The following ERG variants were observed in gnomAD, a reference collection of about 807,000 sequenced individuals.
The protein encoded by ERG is ETS transcription factor ERG, also known as transcriptional regulator ERG.
ERG carries 9 observed loss-of-function variants against 55.3 expected under a neutral mutation model. That is an observed-to-expected ratio of 0.16 (90% confidence interval 0.10 to 0.28). The LOEUF (loss-of-function observed/expected upper bound fraction) is 0.28, where lower values mean the gene tolerates loss of function less well. Among genes scored for constraint, ERG ranks in the 10% least tolerant of loss-of-function variants. The pLI is 1.00. For missense variants in ERG, 434 were observed against 631.6 expected (o/e 0.69, Z 3.35); for synonymous variants, 223 against 237.3 (o/e 0.94, Z 0.55).
chr21:38,451,716 G>A (rs1335122335), intron 1 of ERG, among the ~76,000 whole-genome samples: 1 of 152,198 alleles, frequency 6.6e-6, no homozygotes, highest in African/African-American at 2.4e-5. Flanking sequence ...TGCACTTAGA[G>A]AAAGCTCTGC....
At chr21:38,585,529 C>CTTT (rs1568931635), upstream of ERG, among the ~76,000 whole-genome samples, 14 of 22,684 alleles carry the variant, frequency 6.2e-4, no homozygotes, top group Non-Finnish European at 1.3e-3. Context: ...CCCTCTCTCT[C>CTTT]TTCTTTTTTT....
At chr21:38,558,734 A>G (rs771141342) in intron 2 of ERG, among the ~76,000 whole-genome samples, 1 of 152,202 alleles carries the variant, frequency 6.6e-6, no homozygotes, top group Non-Finnish European at 1.5e-5. Context: ...TACTTAACAC[A>G]CGGAGGTGAC....
intron 3 of ERG, among the ~76,000 whole-genome samples, chr21:38,423,084 A>AGTGTGTGTGT (rs71184624): frequency 0.01 from 1,451 of 144,424 alleles, 11 homozygotes; most frequent in African/African-American, 0.03. Flanking sequence ...CTCCATACGT[A>AGTGTGTGTGT]GTGTGTGTGT....
chr21:38,426,135 T>A (rs974604879), intron 2 of ERG, among the ~76,000 whole-genome samples: 3 of 152,196 alleles, frequency 2.0e-5, no homozygotes, highest in Non-Finnish European at 4.4e-5. Flanking sequence ...CTCACAGCTG[T>A]GCTAACATGA....
chr21:38,661,396 G>A (rs1488253429), intron 1 of ERG, among the ~76,000 whole-genome samples: 1 of 152,220 alleles, frequency 6.6e-6, no homozygotes, highest in East Asian at 1.9e-4. Context: ...GCGTCCGGAG[G>A]GAGAGGCGCG....
chr21:38,561,782 C>T (rs1438928439), intron 2 of ERG, among the ~76,000 whole-genome samples: 1 of 152,084 alleles, frequency 6.6e-6, no homozygotes, highest in Non-Finnish European at 1.5e-5. Flanking sequence ...TTGATCTTAG[C>T]AGTGTATTTA....
At chr21:38,517,088 G>A (rs2059557601) in intron 2 of ERG, among the ~76,000 whole-genome samples, 1 of 151,918 alleles carries the variant, frequency 6.6e-6, no homozygotes, top group Admixed American at 6.6e-5. Context: ...CAAAAGCACA[G>A]GCAAGAGAAA....
intron 1 of ERG, among the ~76,000 whole-genome samples, chr21:38,464,019 G>A (rs1409630045): frequency 6.6e-6 from 1 of 152,100 alleles, no homozygotes; most frequent in African/African-American, 2.4e-5. Flanking sequence ...ATTCCAAGGT[G>A]TGATTCAGAA....
chr21:38,533,727 A>G (rs1045181317), intron 2 of ERG, among the ~76,000 whole-genome samples: 9 of 152,196 alleles, frequency 5.9e-5, no homozygotes, highest in African/African-American at 1.7e-4. Flanking sequence ...GCTACACAAA[A>G]GTCTTCATAT....
chr21:38,587,235 AT>A (rs1287537003), upstream of ERG, among the ~76,000 whole-genome samples: 15 of 152,128 alleles, frequency 9.9e-5, no homozygotes, highest in Non-Finnish European at 1.3e-4. Flanking sequence ...ACTGTAATGT[AT>A]TCTTTTCCCA....
At chr21:38,651,233 C>T (rs755269377) in intron 1 of ERG, among the ~76,000 whole-genome samples, 4 of 152,228 alleles carry the variant, frequency 2.6e-5, no homozygotes, top group East Asian at 1.9e-4. Context: ...GAACATGTCA[C>T]GCTGGCATTC....
intron 3 of ERG, among the ~76,000 whole-genome samples, chr21:38,418,297 G>GTGT (rs1989376988): frequency 6.6e-6 from 1 of 151,788 alleles, no homozygotes; most frequent in Admixed American, 6.6e-5. Flanking sequence ...GTGTGTGTGT[G>GTGT]TGTGTCTGGG....
intron 1 of ERG, among the ~76,000 whole-genome samples, chr21:38,590,538 C>T (rs2060093664): frequency 6.6e-6 from 1 of 152,094 alleles, no homozygotes; most frequent in Non-Finnish European, 1.5e-5. Flanking sequence ...ATTCAACCTG[C>T]CCTTCAAATC....
At chr21:38,607,579 A>T (rs2060203703) in intron 1 of ERG, among the ~76,000 whole-genome samples, 1 of 152,112 alleles carries the variant, frequency 6.6e-6, no homozygotes, top group Non-Finnish European at 1.5e-5. Flanking sequence ...GCTTGCAGTG[A>T]GCCCAGATTG....
At position 38,381,386 on chromosome 21, in the gene ERG, T is replaced by G; in HGVS notation, c.*2017A>C. ...TCAAAGAAAAGATGCCCAGGGAAAC[T>G]GACTCTAGATTATGGAAATAAACAT... is the stretch of plus-strand genomic sequence containing the variant. On this transcript the variant is annotated 3_prime_UTR_variant, in exon 10 of 10. Coordinates refer to ENST00000288319, the MANE Select transcript of ERG (RefSeq NM_182918.4). 1 of 1,063,140 alleles carries G rather than the reference T, an allele frequency of 9.4e-7. No individual in the cohort carries two copies. The highest frequency in any genetic ancestry group is 1.1e-6 in the Non-Finnish European group (1 of 877,940). 65.9% of individuals were successfully genotyped at this position (1,063,140 alleles called of 1,614,324 possible).
At chr21:38,431,397 A>ATAGTGTATAGTGGTTT (rs1990203822) in intron 2 of ERG, among the ~76,000 whole-genome samples, 5 of 152,330 alleles carry the variant, frequency 3.3e-5, no homozygotes, top group African/African-American at 1.2e-4. Context: ...AGTTCTATTT[A>ATAGTGTATAGTGGTTT]TAAATATGTA....
At chr21:38,656,525 G>A (rs948312328) in intron 1 of ERG, among the ~76,000 whole-genome samples, 1 of 152,112 alleles carries the variant, frequency 6.6e-6, no homozygotes, top group African/African-American at 2.4e-5. Context: ...CTCCCTGCCA[G>A]GCGTGCAGAA....
chr21:38,599,404 C>A (rs2060150835), intron 1 of ERG, among the ~76,000 whole-genome samples: 1 of 152,192 alleles, frequency 6.6e-6, no homozygotes, highest in Non-Finnish European at 1.5e-5. Flanking sequence ...CCTTCCGCAC[C>A]CTCCCATGCA....
At chr21:38,509,324 A>C (rs938965199) in intron 2 of ERG, among the ~76,000 whole-genome samples, 11 of 152,218 alleles carry the variant, frequency 7.2e-5, no homozygotes, top group Admixed American at 7.2e-4. Context: ...CTTGATTGGC[A>C]TTGCCTATGT....
Sources: allele counts gnomAD v4.1 joint callset (sites outside exome capture counted in the v4.1 genomes callset), GRCh38; gene constraint gnomAD v4.1.1; transcripts MANE v1.5; gene names NCBI Gene and HGNC (gene_info 2026-07-23, HGNC 2026-07-21).